Variants in CAMK2D observed in about 807,000 individuals in gnomAD.
CAMK2D encodes the protein calcium/calmodulin-dependent protein kinase type II subunit delta.
CAMK2D carries 37 observed loss-of-function variants against 84.0 expected under a neutral mutation model. That is an observed-to-expected ratio of 0.44 (90% CI 0.34 to 0.58). The LOEUF (loss-of-function observed/expected upper bound fraction) is 0.58, where lower values mean the gene tolerates loss of function less well. Among genes scored for constraint, CAMK2D ranks in the 20% least tolerant of loss-of-function variants. The probability of loss-of-function intolerance (pLI) is 0.02; values close to 1 mark genes in which losing one functional copy is unlikely to be tolerated. For synonymous variants in CAMK2D, 202 were observed against 212.5 expected (o/e 0.95, Z 0.43); for missense variants, 448 against 652.5 (o/e 0.69, Z 3.41).
At chr4:113,455,534 G>T (rs1302579531) in intron 20 of CAMK2D, among the ~76,000 whole-genome samples, 192 bp downstream of exon 20, 1 of 152,098 alleles carries the variant, frequency 6.6e-6, no homozygotes, top group Non-Finnish European at 1.5e-5. Context: ...TTAAAATAAG[G>T]ATTATGCTAC....
At chr4:113,495,684 C>A (rs1008660237) in intron 16 of CAMK2D, among the ~76,000 whole-genome samples, 55 of 152,206 alleles carry the variant, frequency 3.6e-4, no homozygotes, top group African/African-American at 1.3e-3. Context: ...TGCAAACATC[C>A]TCATTACTAC....
chr4:113,748,674 G>A lies in CAMK2D; in HGVS notation c.160+10646C>T, dbSNP rs1032858426. On this transcript the variant is annotated intron_variant, in intron 2 of 20. Coordinates refer to ENST00000511664, the MANE Select transcript of CAMK2D (RefSeq NM_001321571.2). The stretch of plus-strand genomic sequence containing the variant: ...ACATAGGGAAGTTTTATAATTTTAA[G>A]TAAAAAAGCAGGACATAAAATTGTA... 2.3e-4 allele frequency among the ~76,000 whole-genome samples: 35 copies of A among 152,000 alleles called. 1 individual carries two copies. The highest frequency in any genetic ancestry group is 6.6e-5 in the Admixed American group (1 of 15,250).
intron 3 of CAMK2D, among the ~76,000 whole-genome samples, chr4:113,649,447 G>C (rs374037168): frequency 6.6e-6 from 1 of 152,022 alleles, no homozygotes; most frequent in Non-Finnish European, 1.5e-5. Context: ...ATTCAAGTGC[G>C]ACAAAGACTT....
chr4:113,588,602 C>A (rs1191355112), intron 4 of CAMK2D, among the ~76,000 whole-genome samples: 1 of 152,140 alleles, frequency 6.6e-6, no homozygotes, highest in African/African-American at 2.4e-5. Context: ...CACTGAGGCA[C>A]CATTATGTAA....
intron 3 of CAMK2D, among the ~76,000 whole-genome samples, chr4:113,643,104 A>ACAAT (rs748462791): frequency 1.3e-3 from 194 of 152,330 alleles, no homozygotes; most frequent in Non-Finnish European, 1.9e-3. Flanking sequence ...TAGAAATTAA[A>ACAAT]CAATCAAAAT....
chr4:113,523,203 T>C (rs1225264373), intron 8 of CAMK2D, among the ~76,000 whole-genome samples: 2 of 152,176 alleles, frequency 1.3e-5, no homozygotes, highest in Non-Finnish European at 2.9e-5. Context: ...TGTGACTTTG[T>C]TATAGCAGCC....
intron 13 of CAMK2D, chr4:113,508,116 A>G: frequency 2.8e-6 from 2 of 706,320 alleles, no homozygotes; most frequent in Non-Finnish European, 5.1e-6. Flanking sequence ...TAGTTGACTA[A>G]CACTGACCTG....
At chr4:113,586,367 C>T (rs1305612803) in intron 4 of CAMK2D, among the ~76,000 whole-genome samples, 1 of 152,124 alleles carries the variant, frequency 6.6e-6, no homozygotes, top group Non-Finnish European at 1.5e-5. Context: ...GAATTTGGGC[C>T]ACCATTGAGC....
At chr4:113,462,330 G>GTCTA (rs1295226081) in intron 17 of CAMK2D, among the ~76,000 whole-genome samples, 9,542 of 127,110 alleles carry the variant, frequency 0.075, 544 homozygotes, top group East Asian at 0.11. Flanking sequence ...CTGTCTGTCT[G>GTCTA]TCTGTCTGTC....
At chr4:113,500,642 T>C (rs1293240859) in intron 15 of CAMK2D, 131 bp from the exon 16 acceptor site, 2 of 534,168 alleles carry the variant, frequency 3.7e-6, no homozygotes, top group African/African-American at 1.9e-5. Flanking sequence ...GACATGCAAA[T>C]GGACAAACAC....
At chr4:113,546,821 A>T (rs2098578989) in intron 6 of CAMK2D, among the ~76,000 whole-genome samples, 1 of 152,162 alleles carries the variant, frequency 6.6e-6, no homozygotes. Flanking sequence ...CACAGGTAAA[A>T]CTAGAGTGCT....
At chr4:113,668,045 T>A (rs996422133) in intron 2 of CAMK2D, among the ~76,000 whole-genome samples, 1 of 152,156 alleles carries the variant, frequency 6.6e-6, no homozygotes, top group African/African-American at 2.4e-5. Context: ...GATTATGAAT[T>A]ATGATGTGAG....
intron 3 of CAMK2D, among the ~76,000 whole-genome samples, chr4:113,625,421 C>A (rs1218754332): frequency 6.6e-6 from 1 of 151,876 alleles, no homozygotes; most frequent in Non-Finnish European, 1.5e-5. Context: ...AAGTGAGTAC[C>A]AGAAGAAGGG....
chr4:113,691,677 T>C (rs1180233041), intron 2 of CAMK2D, among the ~76,000 whole-genome samples: 2 of 152,038 alleles, frequency 1.3e-5, no homozygotes, highest in African/African-American at 4.8e-5. Context: ...CACTTGAACC[T>C]GGGAGGCAGA....
chr4:113,667,324 C>T (rs912982861), intron 2 of CAMK2D, among the ~76,000 whole-genome samples: 2 of 152,072 alleles, frequency 1.3e-5, no homozygotes, highest in African/African-American at 4.8e-5. Flanking sequence ...AGGATGGATG[C>T]CCCTTCTTTT....
At chr4:113,529,434 T>A (rs2098443543) in intron 8 of CAMK2D, among the ~76,000 whole-genome samples, 1 of 152,206 alleles carries the variant, frequency 6.6e-6, no homozygotes, top group Admixed American at 6.6e-5. Flanking sequence ...TTTCCAAGCT[T>A]GCTGACAAAC....
At chr4:113,665,261 T>C (rs1364929238) in intron 2 of CAMK2D, among the ~76,000 whole-genome samples, 1 of 152,212 alleles carries the variant, frequency 6.6e-6, no homozygotes, top group South Asian at 2.1e-4. Flanking sequence ...CCAAACATGA[T>C]GATATAAGTA....
chr4:113,760,118 G>A (rs2099637397), intron 1 of CAMK2D, among the ~76,000 whole-genome samples: 1 of 152,118 alleles, frequency 6.6e-6, no homozygotes, highest in Non-Finnish European at 1.5e-5. Context: ...AGTGAAAGAG[G>A]AATTGGGTTT....
chr4:113,588,094 T>C (rs77586163), intron 4 of CAMK2D, among the ~76,000 whole-genome samples: 10,632 of 152,202 alleles, frequency 0.07, 397 homozygotes, highest in South Asian at 0.099. Context: ...AGAGACTCCA[T>C]TGAAGAATGC....
Sources: gnomAD v4.1 joint callset for allele counts (sites outside exome capture counted in the v4.1 genomes callset) on GRCh38, gnomAD v4.1.1 for gene constraint, MANE v1.5 for transcripts, NCBI Gene and HGNC (gene_info 2026-07-23, HGNC 2026-07-21) for gene names.